The following FUT8 variants were observed in gnomAD, a reference collection of about 807,000 sequenced individuals.
The protein encoded by FUT8 is alpha-(1,6)-fucosyltransferase.
FUT8 carries 29 observed loss-of-function variants against 71.3 expected under a neutral mutation model. The observed-to-expected ratio is 0.41, with a 90% confidence interval of 0.30 to 0.55. FUT8 has a LOEUF of 0.55. Among genes scored for constraint, FUT8 ranks in the 20% least tolerant of loss-of-function variants. The pLI, the probability that FUT8 is intolerant of heterozygous loss-of-function variation, is 0.34. For missense variants in FUT8, 544 were observed against 702.1 expected (o/e 0.77, Z 2.55); for synonymous variants, 254 against 239.3 (o/e 1.06, Z -0.57).
the FUT8 span, among the ~76,000 whole-genome samples, chr14:65,357,737 T>G: frequency 6.6e-6 from 1 of 152,154 alleles, no homozygotes; most frequent in Non-Finnish European, 1.5e-5. Flanking sequence ...TCTGCAAAAG[T>G]GAGGGTAATG....
chr14:65,389,183 A>AT, the FUT8 span, among the ~76,000 whole-genome samples: 19,792 of 149,806 alleles, frequency 0.13, 1,925 homozygotes, highest in East Asian at 0.54. Flanking sequence ...ATATATATAT[A>AT]AAAAAATTAT....
At chr14:65,551,869 A>ATTTTTTTCAGTATGG (rs1179092932) in intron 2 of FUT8, among the ~76,000 whole-genome samples, 4 of 152,000 alleles carry the variant, frequency 2.6e-5, no homozygotes, top group African/African-American at 9.7e-5. Flanking sequence ...ACTTCTGAAA[A>ATTTTTTTCAGTATGG]TTTTTTTCAG....
chr14:65,422,987 T>TC (rs930529111), intron 1 of FUT8, among the ~76,000 whole-genome samples: 5 of 146,280 alleles, frequency 3.4e-5, no homozygotes, highest in Non-Finnish European at 4.5e-5. Flanking sequence ...TTTCTTTCTT[T>TC]TTTTTTTTTT....
intron 2 of FUT8, among the ~76,000 whole-genome samples, chr14:65,553,998 G>C (rs1383339628): frequency 6.6e-6 from 1 of 151,486 alleles, no homozygotes; most frequent in Admixed American, 6.6e-5. Context: ...TTTCTTCTCT[G>C]TTCTTGTTTT....
the FUT8 span, among the ~76,000 whole-genome samples, chr14:65,403,781 G>T: frequency 7.0e-6 from 1 of 142,198 alleles, no homozygotes. Context: ...TTATGACCTT[G>T]CTCCTACCCA....
At chr14:65,524,258 G>A (rs1012535749) in intron 2 of FUT8, among the ~76,000 whole-genome samples, 1 of 152,126 alleles carries the variant, frequency 6.6e-6, no homozygotes, top group African/African-American at 2.4e-5. Context: ...TTGAGCAGTG[G>A]TTTGTAGTTC....
chr14:65,558,431 T>A (rs1885717594), intron 2 of FUT8, among the ~76,000 whole-genome samples: 1 of 152,298 alleles, frequency 6.6e-6, no homozygotes, highest in Non-Finnish European at 1.5e-5. Context: ...ATATGAAAGT[T>A]TATTAATGAC....
In FUT8 at chr14:65,555,236, A is replaced by G. The variant is rs772681973; in HGVS notation, c.-227-6101A>G. On this transcript the variant is annotated intron_variant, in intron 2 of 10. Transcript: ENST00000673929. ...AAACATTTTCTGATCCTGCTTGCTT[A>G]ATTTTAATTTCTAAGGTGTTTTATT... is the stretch of plus-strand genomic sequence containing the variant. 5.9e-5 allele frequency among the ~76,000 whole-genome samples: 9 copies of G among 152,186 alleles called. No homozygotes were observed. In the South Asian group the frequency reaches 1.2e-3, roughly 21 times the overall value.
At chr14:65,694,801 C>T (rs142922342) in intron 7 of FUT8, among the ~76,000 whole-genome samples, 7,954 of 149,046 alleles carry the variant, frequency 0.053, 317 homozygotes, top group Non-Finnish European at 0.078. Context: ...GAACAAAAAA[C>T]CAAACACCGC....
At chr14:65,612,822 G>C (rs73286173) in intron 3 of FUT8, among the ~76,000 whole-genome samples, 21,532 of 152,094 alleles carry the variant, frequency 0.14, 2,097 homozygotes, top group East Asian at 0.48. Context: ...CATCTAACCT[G>C]GATTTTGAGT....
At chr14:65,691,594 A>ATTAT (rs1341099217) in intron 7 of FUT8, among the ~76,000 whole-genome samples, 2 of 151,250 alleles carry the variant, frequency 1.3e-5, no homozygotes, top group Admixed American at 6.6e-5. Flanking sequence ...ATAGTGTATA[A>ATTAT]TTCTTTATTT....
intron 3 of FUT8, among the ~76,000 whole-genome samples, chr14:65,590,150 A>G (rs915842619): frequency 3.9e-5 from 6 of 152,262 alleles, no homozygotes; most frequent in African/African-American, 1.4e-4. Flanking sequence ...TTTTGTCCTT[A>G]TAAGTTAACA....
At chr14:65,455,052 A>G (rs2065877393) in intron 1 of FUT8, among the ~76,000 whole-genome samples, 2 of 152,186 alleles carry the variant, frequency 1.3e-5, no homozygotes. Flanking sequence ...ATGGATATGC[A>G]TTGATTGATA....
At chr14:65,548,311 A>G (rs1885089985) in intron 2 of FUT8, among the ~76,000 whole-genome samples, 1 of 152,168 alleles carries the variant, frequency 6.6e-6, no homozygotes, top group African/African-American at 2.4e-5. Flanking sequence ...CTGTAATGTC[A>G]TGTAAATGAA....
Position 65,561,562 on chromosome 14 carries a change from A to C in FUT8, c.-2A>C. The C allele has an allele frequency of 6.2e-7, 1 of 1,613,100 alleles. No homozygotes were observed. The highest frequency in any genetic ancestry group is 8.5e-7 in the Non-Finnish European group (1 of 1,179,370). On this transcript the variant is annotated 5_prime_UTR_variant, in exon 3 of 11. Transcript: ENST00000673929. ...CCAGGGAAGTGAGTTGAAAATCTGA[A>C]AATGCGGCCATGGACTGGTTCCTGG...
chr14:65,527,692 G>T (rs895201011), intron 2 of FUT8, among the ~76,000 whole-genome samples: 1 of 151,820 alleles, frequency 6.6e-6, no homozygotes, highest in Non-Finnish European at 1.5e-5. Flanking sequence ...ATCTACCTTT[G>T]GTCTTTGATG....
the FUT8 span, among the ~76,000 whole-genome samples, chr14:65,400,593 G>A: frequency 6.6e-6 from 1 of 152,174 alleles, no homozygotes; most frequent in Admixed American, 6.5e-5. Flanking sequence ...CTTTCCAAAT[G>A]GCTGTCTTAA....
intron 6 of FUT8, among the ~76,000 whole-genome samples, chr14:65,641,039 AC>A (rs1890803680): frequency 6.6e-6 from 1 of 152,128 alleles, no homozygotes; most frequent in Admixed American, 6.5e-5. Flanking sequence ...CACAAAATAA[AC>A]GGCACATATT....
chr14:65,402,853 C>T, the FUT8 span, among the ~76,000 whole-genome samples: 1 of 152,188 alleles, frequency 6.6e-6, no homozygotes. Context: ...GTTAACCCCA[C>T]TTGACCTCTA....
Sources: gnomAD v4.1 joint callset for allele counts (sites outside exome capture counted in the v4.1 genomes callset) on GRCh38, gnomAD v4.1.1 for gene constraint, MANE v1.5 for transcripts, NCBI Gene and HGNC (gene_info 2026-07-23, HGNC 2026-07-21) for gene names.